The following CRPPA variants were observed in gnomAD, a reference collection of about 807,000 sequenced individuals.
CRPPA encodes D-ribitol-5-phosphate cytidylyltransferase.
CRPPA carries 43 observed loss-of-function variants against 52.0 expected under a neutral mutation model. The observed-to-expected ratio is 0.83, with a 90% CI of 0.65 to 1.07. The LOEUF (loss-of-function observed/expected upper bound fraction) is 1.07, where lower values mean the gene tolerates loss of function less well. CRPPA is among the 50% of genes least tolerant of loss of function. CRPPA has a pLI of 0.00. For missense variants in CRPPA, 629 were observed against 551.7 expected (o/e 1.14, Z -1.40); for synonymous variants, 250 against 203.5 (o/e 1.23, Z -1.94).
chr7:16,320,717 C>T (rs990379845), intron 3 of CRPPA, among the ~76,000 whole-genome samples: 1 of 152,148 alleles, frequency 6.6e-6, no homozygotes, highest in Non-Finnish European at 1.5e-5. Context: ...ACTAGGTAAA[C>T]AATGAACACC....
At chr7:16,405,261 C>G (rs1787923571) in intron 2 of CRPPA, among the ~76,000 whole-genome samples, 1 of 152,004 alleles carries the variant, frequency 6.6e-6, no homozygotes, top group African/African-American at 2.4e-5. Flanking sequence ...ACTTAGTATT[C>G]TAATAGCTAA....
intron 6 of CRPPA, among the ~76,000 whole-genome samples, chr7:16,267,187 G>A (rs1163779655): frequency 6.6e-6 from 1 of 152,086 alleles, no homozygotes; most frequent in Non-Finnish European, 1.5e-5. Flanking sequence ...AATATTTATT[G>A]ATAGCTACAA....
At chr7:16,397,402 A>G (rs73682121) in intron 2 of CRPPA, among the ~76,000 whole-genome samples, 2,900 of 152,284 alleles carry the variant, frequency 0.019, 91 homozygotes, top group African/African-American at 0.065. Context: ...GTGACAACTG[A>G]CACGTAATGG....
intron 8 of CRPPA, among the ~76,000 whole-genome samples, chr7:16,245,067 T>C (rs1284246451): frequency 6.7e-6 from 1 of 150,244 alleles, no homozygotes; most frequent in Non-Finnish European, 1.5e-5. Flanking sequence ...AAAAAGCTTG[T>C]GGTAGGGCCT....
chr7:16,291,386 T>C (rs1346568552), intron 5 of CRPPA, among the ~76,000 whole-genome samples: 1 of 151,952 alleles, frequency 6.6e-6, no homozygotes, highest in Non-Finnish European at 1.5e-5. Flanking sequence ...TACTACACAA[T>C]GGAATACTAC....
At chr7:16,310,404 C>T (rs963722735) in intron 3 of CRPPA, among the ~76,000 whole-genome samples, 1 of 152,248 alleles carries the variant, frequency 6.6e-6, no homozygotes, top group Admixed American at 6.5e-5. Context: ...TCTAACCAGT[C>T]CCCAGCTAAA....
At chr7:16,154,691 A>T (rs899857366) in intron 9 of CRPPA, among the ~76,000 whole-genome samples, 5 of 152,208 alleles carry the variant, frequency 3.3e-5, no homozygotes, top group Non-Finnish European at 4.4e-5. Flanking sequence ...ACTGTACAAC[A>T]AAACATGAGT....
intron 9 of CRPPA, among the ~76,000 whole-genome samples, chr7:16,172,968 C>T (rs1562538744): frequency 6.6e-6 from 1 of 152,116 alleles, no homozygotes; most frequent in Non-Finnish European, 1.5e-5. Flanking sequence ...TGGAGAAATC[C>T]ACAGTTCTCT....
intron 3 of CRPPA, among the ~76,000 whole-genome samples, chr7:16,332,693 A>G (rs185007738): frequency 3.3e-5 from 5 of 152,162 alleles, no homozygotes; most frequent in African/African-American, 1.2e-4. Flanking sequence ...CAAAATGTTC[A>G]ATTAAATTAA....
Position 16,258,328 on chromosome 7 carries a change from G to A in CRPPA, c.1119+62C>T, listed in dbSNP as rs78185995. On this transcript the variant is annotated intron_variant, in intron 8 of 9. Coordinates refer to ENST00000407010, the MANE Select transcript of CRPPA (RefSeq NM_001101426.4). The stretch of plus-strand genomic sequence containing the variant: ...CAATTGGATGAGTTTTTAAAAATAT[G>A]TACATTGAGTTACAAAGAAGGAAGC... 232 of 1,029,164 alleles carry A rather than the reference G, an allele frequency of 2.3e-4. 1 individual carries two copies. The East Asian group carries it at 5.9e-3, about 26-fold the overall frequency. 63.8% of individuals were successfully genotyped at this position (1,029,164 alleles called of 1,614,324 possible). A position where few individuals can be genotyped will look rare whatever the true frequency, so the allele number is the denominator to read the frequency against.
At chr7:16,138,452 A>G (rs1562522140) in intron 9 of CRPPA, among the ~76,000 whole-genome samples, 1 of 152,200 alleles carries the variant, frequency 6.6e-6, no homozygotes, top group Admixed American at 6.5e-5. Context: ...ATCATTTAAA[A>G]GCTTTTAAGT....
chr7:16,407,727 G>A (rs1787988129), intron 1 of CRPPA, among the ~76,000 whole-genome samples: 1 of 152,104 alleles, frequency 6.6e-6, no homozygotes, highest in Non-Finnish European at 1.5e-5. Context: ...AGACTACACT[G>A]ATGAACAAAA....
At chr7:16,231,378 T>C (rs531605177) in intron 8 of CRPPA, among the ~76,000 whole-genome samples, 3 of 152,292 alleles carry the variant, frequency 2.0e-5, no homozygotes, top group Non-Finnish European at 2.9e-5. Flanking sequence ...TAATCCTGCT[T>C]TGTCATCTTG....
At chr7:16,382,092 G>T (rs1787109062) in intron 2 of CRPPA, among the ~76,000 whole-genome samples, 1 of 151,980 alleles carries the variant, frequency 6.6e-6, no homozygotes, top group African/African-American at 2.4e-5. Flanking sequence ...AGCCTTGATG[G>T]TCTTTATAAT....
chr7:16,219,005 C>A (rs1782419667), intron 8 of CRPPA, among the ~76,000 whole-genome samples: 1 of 152,188 alleles, frequency 6.6e-6, no homozygotes, highest in South Asian at 2.1e-4. Context: ...TTCAGCACCA[C>A]ACCAAACCTA....
chr7:16,176,427 A>G (rs1215673972), intron 9 of CRPPA, among the ~76,000 whole-genome samples: 2 of 152,158 alleles, frequency 1.3e-5, no homozygotes, highest in African/African-American at 2.4e-5. Context: ...GAGATGTTCA[A>G]TCTCGTTAGT....
chr7:16,254,956 G>A (rs1783594658), intron 8 of CRPPA, among the ~76,000 whole-genome samples: 2 of 152,140 alleles, frequency 1.3e-5, no homozygotes, highest in Non-Finnish European at 2.9e-5. Context: ...TCAGGCAAGA[G>A]AAAGAAATAA....
At chr7:16,231,181 G>A (rs56718714) in intron 8 of CRPPA, among the ~76,000 whole-genome samples, 1,641 of 152,286 alleles carry the variant, frequency 0.011, 33 homozygotes, top group African/African-American at 0.038. Flanking sequence ...TGCTGCCAGA[G>A]TTGGGGAGGA....
At chr7:16,331,415 A>C (rs1785550712) in intron 3 of CRPPA, among the ~76,000 whole-genome samples, 1 of 152,170 alleles carries the variant, frequency 6.6e-6, no homozygotes. Context: ...TTTACTGCAG[A>C]TCCTTCTACC....
Sources: gnomAD v4.1 joint callset for allele counts (sites outside exome capture counted in the v4.1 genomes callset) on GRCh38, gnomAD v4.1.1 for gene constraint, MANE v1.5 for transcripts, NCBI Gene and HGNC (gene_info 2026-07-23, HGNC 2026-07-21) for gene names.